PDE10A: variants seen among roughly 807,000 people sequenced by gnomAD.
PDE10A encodes the protein phosphodiesterase 10A, also known as cAMP and cAMP-inhibited cGMP 3',5'-cyclic phosphodiesterase 10A.
A neutral mutation model predicts 97.7 loss-of-function variants in PDE10A; 39 were observed. The ratio of observed to expected loss-of-function variants is 0.40; its 90% CI spans 0.31 to 0.52. PDE10A has a LOEUF of 0.52. Ranked by LOEUF, PDE10A falls within the 20% of genes least tolerant of loss-of-function variation. The probability of loss-of-function intolerance (pLI) is 0.56; values close to 1 mark genes in which losing one functional copy is unlikely to be tolerated. For synonymous variants in PDE10A, 371 were observed against 376.8 expected (o/e 0.98, Z 0.18); for missense variants, 731 against 1,047.8 (o/e 0.70, Z 4.17).
chr6:165,653,702 G>A (rs932464706), intron 1 of PDE10A, among the ~76,000 whole-genome samples: 1 of 152,146 alleles, frequency 6.6e-6, no homozygotes, highest in Non-Finnish European at 1.5e-5. Context: ...GGAAAGCAAG[G>A]CACAGCTCTG....
chr6:165,811,093 C>T (rs560492426), intron 1 of PDE10A, among the ~76,000 whole-genome samples: 3 of 152,024 alleles, frequency 2.0e-5, no homozygotes, highest in African/African-American at 4.8e-5. Context: ...GCGTGGTCCA[C>T]GTGCCTGTAG....
intron 18 of PDE10A, among the ~76,000 whole-genome samples, chr6:165,358,354 C>T (rs1026146969): frequency 1.3e-5 from 2 of 151,570 alleles, no homozygotes; most frequent in East Asian, 1.9e-4. Context: ...TTTTTTTGTT[C>T]GTTTGTTTTT....
At chr6:165,617,467 T>G (rs1787780143) in intron 1 of PDE10A, among the ~76,000 whole-genome samples, 1 of 152,142 alleles carries the variant, frequency 6.6e-6, no homozygotes, top group South Asian at 2.1e-4. Context: ...CTTCAGCCTC[T>G]CAAGTAGCTG....
chr6:165,979,791 G>A (rs540235561), intron 1 of PDE10A, among the ~76,000 whole-genome samples: 16 of 152,302 alleles, frequency 1.1e-4, no homozygotes, highest in South Asian at 6.2e-4. Flanking sequence ...ATGTGCGAAA[G>A]TCACGACACT....
chr6:165,428,075 T>C (rs55910145), intron 10 of PDE10A, among the ~76,000 whole-genome samples: 16,690 of 152,070 alleles, frequency 0.11, 1,224 homozygotes, highest in Middle Eastern at 0.22. Context: ...AGAAGAGTAC[T>C]GTAGAAAGAA....
chr6:165,376,633 G>T (rs1784619650), intron 18 of PDE10A, among the ~76,000 whole-genome samples: 1 of 152,200 alleles, frequency 6.6e-6, no homozygotes, highest in South Asian at 2.1e-4. Flanking sequence ...GCCACATCCA[G>T]GCTGGGCACA....
intron 1 of PDE10A, among the ~76,000 whole-genome samples, chr6:165,630,570 C>T (rs1054438001): frequency 4.6e-5 from 7 of 152,012 alleles, no homozygotes; most frequent in Non-Finnish European, 7.4e-5. Context: ...AACTTGTCTC[C>T]GGGGTAGAGA....
intron 1 of PDE10A, among the ~76,000 whole-genome samples, chr6:165,856,125 C>T (rs1386105834): frequency 6.6e-6 from 1 of 152,158 alleles, no homozygotes; most frequent in Middle Eastern, 3.2e-3. Flanking sequence ...GCAGGGGCTC[C>T]CTGAGGGCTG....
chr6:165,500,296 A>G lies in PDE10A; in HGVS notation c.995-17953T>C, dbSNP rs557792765. Among the ~76,000 whole-genome samples the G allele has an allele frequency of 2.6e-5, 4 of 152,222 alleles. No individual in the cohort carries two copies. The East Asian group carries it at 7.7e-4, about 29-fold the overall frequency. On this transcript the variant is annotated intron_variant, in intron 2 of 21. Coordinates refer to ENST00000539869, the MANE Select transcript of PDE10A (RefSeq NM_001385079.1). ...ATGGCATTGTGCAGAAAAGAGAGAG[A>G]GATCAGACTGTTACTGTGTCTACGC... is the stretch of plus-strand genomic sequence containing the variant.
chr6:165,379,295 T>C lies in PDE10A; in HGVS notation c.2682A>G (p.Lys894=), dbSNP rs1784795732. 2 of 1,613,614 alleles carry C rather than the reference T, an allele frequency of 1.2e-6. No individual in the cohort carries two copies. The highest frequency in any genetic ancestry group is 2.7e-5 in the African/African-American group (2 of 74,936). Residue 894 remains lysine (K), a synonymous_variant, in exon 18 of 22, where the codon AAA becomes AAG. Coordinates refer to ENST00000539869, the MANE Select transcript of PDE10A (RefSeq NM_001385079.1). ...AAGCAAGGTCTGTGGCAATGATGGCTTTGCGGATGATCTCAAGCACCTGCT... is the reference window on the plus strand; with the variant it reads ...AAGCAAGGTCTGTGGCAATGATGGCCTTGCGGATGATCTCAAGCACCTGCT... ...EYEQVLEIIR[K]AIIATDLALY...
chr6:165,716,940 G>C (rs1186191337), intron 1 of PDE10A, among the ~76,000 whole-genome samples: 1 of 152,126 alleles, frequency 6.6e-6, no homozygotes, highest in Non-Finnish European at 1.5e-5. Context: ...TCCATCTCCA[G>C]AACACTTTTC....
At chr6:165,856,769 C>T (rs2498537) in intron 1 of PDE10A, among the ~76,000 whole-genome samples, 119,468 of 152,172 alleles carry the variant, frequency 0.79, 47,346 homozygotes, top group East Asian at 0.96. Flanking sequence ...GTTGACACTT[C>T]ATGCTACGTT....
intron 2 of PDE10A, among the ~76,000 whole-genome samples, chr6:165,492,310 C>T (rs975464582): frequency 8.5e-5 from 13 of 152,194 alleles, no homozygotes; most frequent in African/African-American, 2.9e-4. Context: ...CCTGTTGACA[C>T]TATTCCACAA....
At chr6:165,345,196 T>C (rs975904062) in intron 18 of PDE10A, among the ~76,000 whole-genome samples, 2 of 152,212 alleles carry the variant, frequency 1.3e-5, no homozygotes, top group East Asian at 1.9e-4. Flanking sequence ...AAAACTTTCA[T>C]AAATCTGTAA....
At chr6:165,773,722 A>G (rs1445118256) in intron 1 of PDE10A, among the ~76,000 whole-genome samples, 2 of 152,228 alleles carry the variant, frequency 1.3e-5, no homozygotes, top group African/African-American at 4.8e-5. Flanking sequence ...AGAATTAGGA[A>G]AGAGAGTTTC....
intron 2 of PDE10A, among the ~76,000 whole-genome samples, chr6:165,537,335 A>T (rs1243299215): frequency 6.6e-6 from 1 of 152,034 alleles, no homozygotes; most frequent in African/African-American, 2.4e-5. Flanking sequence ...ACAAAATTAC[A>T]GTTATATAGA....
At chr6:165,839,444 CT>C (rs1472061938) in intron 1 of PDE10A, among the ~76,000 whole-genome samples, 2 of 152,130 alleles carry the variant, frequency 1.3e-5, no homozygotes, top group African/African-American at 4.8e-5. Flanking sequence ...AATTAGATTT[CT>C]TTTTTTCCCA....
intron 1 of PDE10A, among the ~76,000 whole-genome samples, chr6:165,889,524 A>C (rs1046538415): frequency 2.6e-5 from 4 of 152,154 alleles, no homozygotes; most frequent in Non-Finnish European, 5.9e-5. Flanking sequence ...GAACCCAGCA[A>C]GCTTTCTGAT....
rs1781637655 is a variant in PDE10A, at chr6:165,886,553, G to T, written c.-615+100976C>A. 2.0e-5 allele frequency among the ~76,000 whole-genome samples: 3 copies of T among 152,260 alleles called. No individual in the cohort carries two copies. The South Asian group carries it at 6.2e-4, about 32-fold the overall frequency. ...GACTCCTACACAAAGCCAGAATCCAGAAGTTGCTCAGTGAGGGTTGAACAA... is the reference window on the plus strand; with the variant it reads ...GACTCCTACACAAAGCCAGAATCCATAAGTTGCTCAGTGAGGGTTGAACAA... On this transcript the variant is annotated intron_variant, in intron 1 of 19. Transcript: ENST00000366882.
Sources: allele counts gnomAD v4.1 joint callset (sites outside exome capture counted in the v4.1 genomes callset), GRCh38; gene constraint gnomAD v4.1.1; transcripts MANE v1.5; gene names NCBI Gene and HGNC (gene_info 2026-07-23, HGNC 2026-07-21).